The following CALN1 variants were observed in gnomAD, a reference collection of about 807,000 sequenced individuals.
CALN1 encodes calneuron 1.
CALN1 carries 17 observed loss-of-function variants against 30.6 expected under a neutral mutation model. The ratio of observed to expected loss-of-function variants is 0.56; its 90% CI spans 0.38 to 0.83. The LOEUF is 0.83. Ranked by LOEUF, CALN1 falls within the 40% of genes least tolerant of loss-of-function variation. The pLI is 0.00. For synonymous variants in CALN1, 156 were observed against 131.4 expected, an observed-to-expected ratio of 1.19 and a Z score of -1.28; for missense variants, 291 against 354.9, an observed-to-expected ratio of 0.82 and a Z score of 1.45.
upstream of CALN1, among the ~76,000 whole-genome samples, chr7:72,450,965 T>C (rs1808643839): frequency 4.6e-5 from 7 of 152,174 alleles, no homozygotes; most frequent in South Asian, 1.4e-3. Flanking sequence ...CTCTCAATCA[T>C]GTCCCCATAG....
At chr7:72,412,016 C>T (rs978966280) in intron 1 of CALN1, 42 bp downstream of exon 1, 1 of 152,210 alleles carries the variant, frequency 6.6e-6, no homozygotes, top group Non-Finnish European at 1.5e-5. Context: ...CTGGGAACTG[C>T]ATGCAGCTGA....
At position 72,371,305 on chromosome 7, in the gene CALN1, G is replaced by C. The variant is rs117581883; in HGVS notation, c.119+31946C>G. On this transcript the variant is annotated intron_variant, in intron 2 of 6. Coordinates refer to ENST00000395275, the MANE Select transcript of CALN1 (RefSeq NM_031468.4). ...TGTTTGCATGTATGCATATGATATG[G>C]TCAGGCTGTGTCCCTACCCAAATCT... 5.9e-3 allele frequency among the ~76,000 whole-genome samples: 900 copies of C among 152,152 alleles called. 9 individuals are homozygous for C. Among genetic ancestry groups the C allele is most frequent in the Non-Finnish European group, 9.2e-3 (623 of 68,000 alleles).
At chr7:72,051,105 G>A (rs1276627541) in intron 4 of CALN1, among the ~76,000 whole-genome samples, 4 of 151,444 alleles carry the variant, frequency 2.6e-5, no homozygotes, top group Non-Finnish European at 5.9e-5. Flanking sequence ...TAGACTTAAA[G>A]GTAATAGGGG....
chr7:71,809,365 G>A (rs1370281472), intron 6 of CALN1, among the ~76,000 whole-genome samples: 1 of 149,884 alleles, frequency 6.7e-6, no homozygotes, highest in Non-Finnish European at 1.5e-5. Flanking sequence ...GCACTCACTG[G>A]CTCTAAGGGA....
chr7:72,266,819 A>G (rs967919938), intron 3 of CALN1, among the ~76,000 whole-genome samples: 3 of 152,168 alleles, frequency 2.0e-5, no homozygotes, highest in Non-Finnish European at 2.9e-5. Context: ...GGAAGCAGCT[A>G]CCATCAGAGA....
At chr7:71,957,094 G>A (rs945667150) in intron 5 of CALN1, among the ~76,000 whole-genome samples, 3 of 152,114 alleles carry the variant, frequency 2.0e-5, no homozygotes, top group Non-Finnish European at 1.5e-5. Context: ...GAGACACCGA[G>A]AGAAGCTCTG....
intron 5 of CALN1, among the ~76,000 whole-genome samples, chr7:71,919,472 ATATC>A (rs2117044803): frequency 6.6e-6 from 1 of 152,356 alleles, no homozygotes; most frequent in Admixed American, 6.5e-5. Flanking sequence ...GGTGGTAGAG[ATATC>A]TATAGGAAAA....
intron 3 of CALN1, among the ~76,000 whole-genome samples, chr7:72,278,011 G>T (rs111373766): frequency 7.0e-5 from 8 of 113,934 alleles, no homozygotes; most frequent in Non-Finnish European, 7.3e-5. Flanking sequence ...TCTATTCCGG[G>T]GGGGGGGGAC....
At chr7:72,365,960 T>C (rs994608547) in intron 2 of CALN1, among the ~76,000 whole-genome samples, 1 of 152,128 alleles carries the variant, frequency 6.6e-6, no homozygotes, top group African/African-American at 2.4e-5. Context: ...GGGCATACCC[T>C]TGGATTCACT....
At chr7:72,123,417 T>G (rs1808525116) in intron 3 of CALN1, among the ~76,000 whole-genome samples, 2 of 152,232 alleles carry the variant, frequency 1.3e-5, no homozygotes, top group African/African-American at 4.8e-5. Context: ...GTGTGATTTT[T>G]TTCCCATTTT....
At chr7:72,262,653 C>G (rs1796341695) in intron 3 of CALN1, among the ~76,000 whole-genome samples, 1 of 152,190 alleles carries the variant, frequency 6.6e-6, no homozygotes, top group Non-Finnish European at 1.5e-5. Flanking sequence ...TGGCCTCCAG[C>G]TGCATCCATG....
chr7:72,243,209 GCTCT>G lies in CALN1; in HGVS notation c.244+35473_244+35476del, dbSNP rs369178069. 2.5e-3 allele frequency among the ~76,000 whole-genome samples: 384 copies of G among 152,022 alleles called. 3 individuals carry two copies. The highest frequency in any genetic ancestry group is 0.017 in the Middle Eastern group (5 of 294). ...CCTTATGAGGAAAAGAAAGGACTGA[GCTCT>G]CTCTCTCTCCATGTGAGGACACAGC... On this transcript the variant is annotated intron_variant, in intron 3 of 6. Coordinates refer to ENST00000395275, the MANE Select transcript of CALN1 (RefSeq NM_031468.4).
intron 3 of CALN1, among the ~76,000 whole-genome samples, chr7:72,146,828 T>C (rs993751869): frequency 6.6e-6 from 1 of 152,134 alleles, no homozygotes. Context: ...TCTACAACTA[T>C]CTGATCTTTG....
At chr7:71,963,666 T>C (rs1396698376) in intron 5 of CALN1, among the ~76,000 whole-genome samples, 1 of 152,194 alleles carries the variant, frequency 6.6e-6, no homozygotes, top group Admixed American at 6.6e-5. Flanking sequence ...ATTCCACTTT[T>C]TTTCCCTTAC....
chr7:71,954,861 G>T (rs1796876986), intron 5 of CALN1, among the ~76,000 whole-genome samples: 1 of 152,174 alleles, frequency 6.6e-6, no homozygotes, highest in Non-Finnish European at 1.5e-5. Flanking sequence ...CAGTGAAGAG[G>T]AGTGAGGTTT....
At chr7:72,406,600 G>A (rs922138266) in intron 1 of CALN1, among the ~76,000 whole-genome samples, 9 of 148,900 alleles carry the variant, frequency 6.0e-5, no homozygotes, top group Admixed American at 4.1e-4. Context: ...AGACCCACAT[G>A]AGGGTCCTTG....
chr7:72,317,448 G>T (rs1800562870), intron 2 of CALN1, among the ~76,000 whole-genome samples: 1 of 152,174 alleles, frequency 6.6e-6, no homozygotes, highest in South Asian at 2.1e-4. Context: ...AGGCTGAGAG[G>T]ATCTAATGTT....
chr7:71,919,186 C>T (rs1188914406), intron 5 of CALN1, among the ~76,000 whole-genome samples: 1 of 152,166 alleles, frequency 6.6e-6, no homozygotes, highest in Non-Finnish European at 1.5e-5. Flanking sequence ...TTCAGACTGG[C>T]CTCCCAGATT....
rs1026270159 is a variant in CALN1, at chr7:72,140,282, G to C, written c.245-33988C>G. On this transcript the variant is annotated intron_variant, in intron 3 of 6. Transcript: ENST00000395275. ...TGAGACCTTGTCTCAAAATAAGAGAGAGAGAGAGAGAGAGAGAGAGAGAAG... is the reference window on the plus strand; with the variant it reads ...TGAGACCTTGTCTCAAAATAAGAGACAGAGAGAGAGAGAGAGAGAGAGAAG... Among the ~76,000 whole-genome samples the C allele has an allele frequency of 1.6e-3, 46 of 29,446 alleles. 1 individual carries two copies. The highest frequency in any genetic ancestry group is 0.026 in the Middle Eastern group (2 of 76). 19.3% of individuals were successfully genotyped at this position (29,446 alleles called of 152,430 possible).
Sources: gnomAD v4.1 joint callset for allele counts (sites outside exome capture counted in the v4.1 genomes callset) on GRCh38, gnomAD v4.1.1 for gene constraint, MANE v1.5 for transcripts, NCBI Gene and HGNC (gene_info 2026-07-23, HGNC 2026-07-21) for gene names.